The following SLC25A21 variants were observed in gnomAD, a reference collection of about 807,000 sequenced individuals.
SLC25A21 encodes the protein solute carrier family 25 member 21.
A neutral mutation model predicts 43.8 loss-of-function variants in SLC25A21; 47 were observed. The ratio of observed to expected loss-of-function variants is 1.07; its 90% CI spans 0.85 to 1.37. The LOEUF (loss-of-function observed/expected upper bound fraction) is 1.37, where lower values mean the gene tolerates loss of function less well. Among genes scored for constraint, SLC25A21 ranks in the 40% most tolerant of loss-of-function variants. The pLI is 0.00. For synonymous variants in SLC25A21, 131 were observed against 121.3 expected (o/e 1.08, Z -0.52); for missense variants, 352 against 350.2 (o/e 1.00, Z -0.04).
intron 1 of SLC25A21, among the ~76,000 whole-genome samples, chr14:37,092,523 T>C (rs1962608427): frequency 1.3e-5 from 2 of 152,166 alleles, no homozygotes; most frequent in South Asian, 4.1e-4. Context: ...TTAAGCCAAT[T>C]AGTGTATGCC....
chr14:37,034,213 T>G (rs571692367), intron 1 of SLC25A21, among the ~76,000 whole-genome samples: 1 of 152,246 alleles, frequency 6.6e-6, no homozygotes, highest in South Asian at 2.1e-4. Context: ...AGACAGGGTT[T>G]CATCATGTTG....
intron 2 of SLC25A21, among the ~76,000 whole-genome samples, chr14:36,855,153 G>A (rs1889861365): frequency 6.6e-6 from 1 of 152,070 alleles, no homozygotes; most frequent in Admixed American, 6.5e-5. Flanking sequence ...CCATGGCTTG[G>A]TAGTTTGTTC....
intron 1 of SLC25A21, among the ~76,000 whole-genome samples, chr14:36,909,289 C>CT (rs1215190178): frequency 6.6e-6 from 1 of 152,130 alleles, no homozygotes; most frequent in African/African-American, 2.4e-5. Context: ...CCACTGCAGC[C>CT]TTGCAAGGGG....
chr14:37,039,848 G>A (rs1349750009), intron 1 of SLC25A21, among the ~76,000 whole-genome samples: 1 of 152,076 alleles, frequency 6.6e-6, no homozygotes, highest in African/African-American at 2.4e-5. Flanking sequence ...TAAAGACCAT[G>A]TAAATCAGAC....
intron 1 of SLC25A21, among the ~76,000 whole-genome samples, chr14:37,074,905 T>C (rs1008066083): frequency 6.6e-6 from 1 of 152,212 alleles, no homozygotes; most frequent in African/African-American, 2.4e-5. Context: ...TTCATTACTC[T>C]ACCAAATGTG....
At chr14:36,704,735 T>C (rs960637521) in intron 7 of SLC25A21, among the ~76,000 whole-genome samples, 2 of 151,844 alleles carry the variant, frequency 1.3e-5, no homozygotes, top group Non-Finnish European at 2.9e-5. Flanking sequence ...AAGCATTACA[T>C]GATACAGTCG....
intron 1 of SLC25A21, among the ~76,000 whole-genome samples, chr14:37,149,900 T>A (rs988138501): frequency 2.0e-5 from 3 of 152,172 alleles, no homozygotes; most frequent in Non-Finnish European, 1.5e-5. Context: ...ACTGCCATCT[T>A]GTGGTTAAAG....
chr14:37,010,182 C>T (rs1960699827), intron 1 of SLC25A21, among the ~76,000 whole-genome samples: 2 of 152,166 alleles, frequency 1.3e-5, no homozygotes, highest in South Asian at 4.1e-4. Context: ...TGGCACAGTA[C>T]AGAACATAGT....
At chr14:37,024,912 A>G (rs1961061302) in intron 1 of SLC25A21, among the ~76,000 whole-genome samples, 1 of 152,140 alleles carries the variant, frequency 6.6e-6, no homozygotes, top group Non-Finnish European at 1.5e-5. Context: ...AATACTTTCC[A>G]TTTGTCAATT....
intron 7 of SLC25A21, among the ~76,000 whole-genome samples, chr14:36,702,489 A>AAG (rs1327581169): frequency 6.6e-6 from 1 of 150,806 alleles, no homozygotes; most frequent in Non-Finnish European, 1.5e-5. Context: ...AAAAAAAAAA[A>AAG]AAAAAAAGAA....
intron 2 of SLC25A21, among the ~76,000 whole-genome samples, chr14:36,847,909 C>T (rs1335484183): frequency 2.8e-5 from 4 of 140,960 alleles, no homozygotes; most frequent in African/African-American, 7.5e-5. Context: ...ACTCTGGAAG[C>T]GGTATGAAGG....
intron 8 of SLC25A21, among the ~76,000 whole-genome samples, chr14:36,684,239 G>A (rs1175326511): frequency 6.6e-6 from 1 of 152,118 alleles, no homozygotes; most frequent in Non-Finnish European, 1.5e-5. Flanking sequence ...TAGGAAATAC[G>A]ATGCAGTTTA....
intron 1 of SLC25A21, among the ~76,000 whole-genome samples, chr14:36,952,816 C>CTA (rs1227319216): frequency 1.3e-5 from 2 of 152,194 alleles, no homozygotes; most frequent in African/African-American, 2.4e-5. Flanking sequence ...GGCAAAAAGA[C>CTA]TACACCTTCT....
chr14:37,155,280 A>G (rs1963829231), intron 1 of SLC25A21, among the ~76,000 whole-genome samples: 1 of 152,144 alleles, frequency 6.6e-6, no homozygotes, highest in African/African-American at 2.4e-5. Flanking sequence ...GCAAGGCTTC[A>G]TGACATTTGG....
chr14:37,016,003 T>G (rs1225267075), intron 1 of SLC25A21, among the ~76,000 whole-genome samples: 1 of 151,442 alleles, frequency 6.6e-6, no homozygotes, highest in African/African-American at 2.4e-5. Context: ...GCCTGTTCAC[T>G]CTGATGGTAG....
intron 3 of SLC25A21, among the ~76,000 whole-genome samples, chr14:36,750,017 T>C (rs1201763040): frequency 1.3e-5 from 2 of 152,192 alleles, no homozygotes; most frequent in Non-Finnish European, 2.9e-5. Flanking sequence ...TCTGTTTTAT[T>C]TACTGATGTC....
At chr14:37,025,702 G>A (rs776764156) in intron 1 of SLC25A21, among the ~76,000 whole-genome samples, 3 of 152,062 alleles carry the variant, frequency 2.0e-5, no homozygotes, top group African/African-American at 7.2e-5. Flanking sequence ...CTCGTGTAGG[G>A]CAAACTTGTT....
Position 36,943,373 on chromosome 14 carries a change from G to C in SLC25A21, c.71-68369C>G, listed in dbSNP as rs550370083. 1.4e-3 allele frequency among the ~76,000 whole-genome samples: 209 copies of C among 152,052 alleles called. 1 individual carries two copies. The highest frequency in any genetic ancestry group is 2.6e-3 in the Non-Finnish European group (174 of 68,008). On this transcript the variant is annotated intron_variant, in intron 1 of 9. Transcript: ENST00000331299. ...CACCCGGCTAATTTTTGTATTTTTA[G>C]TAAAGACACCCTTTCACCATGTTGG...
At chr14:36,950,920 G>A (rs1023584496) in intron 1 of SLC25A21, among the ~76,000 whole-genome samples, 7 of 152,130 alleles carry the variant, frequency 4.6e-5, no homozygotes, top group African/African-American at 1.7e-4. Flanking sequence ...ACCTGGAATT[G>A]CAGCAAGGAA....
Sources: allele counts gnomAD v4.1 joint callset (sites outside exome capture counted in the v4.1 genomes callset), GRCh38; gene constraint gnomAD v4.1.1; transcripts MANE v1.5; gene names NCBI Gene and HGNC (gene_info 2026-07-23, HGNC 2026-07-21).